DNAH11: variants seen among roughly 807,000 people sequenced by gnomAD.
DNAH11 encodes the protein axonemal beta dynein heavy chain 11.
DNAH11 carries 442 observed loss-of-function variants against 526.0 expected under a neutral mutation model. That is an observed-to-expected ratio of 0.84 (90% confidence interval 0.78 to 0.91). The LOEUF (loss-of-function observed/expected upper bound fraction) is 0.91. DNAH11 is among the 40% of genes least tolerant of loss of function. DNAH11 has a pLI of 0.00. For synonymous variants in DNAH11, 2,461 were observed against 1,935.9 expected (o/e 1.27, Z -7.12); for missense variants, 6,989 against 5,448.7 (o/e 1.28, Z -8.90).
chr7:21,676,420 C>G (rs1782888151), intron 30 of DNAH11, among the ~76,000 whole-genome samples: 1 of 152,128 alleles, frequency 6.6e-6, no homozygotes, highest in Admixed American at 6.5e-5. Flanking sequence ...ACAGTACTGA[C>G]CATAATGATT....
At chr7:21,626,476 G>C (rs1340099572) in intron 25 of DNAH11, among the ~76,000 whole-genome samples, 1 of 152,084 alleles carries the variant, frequency 6.6e-6, no homozygotes, top group African/African-American at 2.4e-5. Context: ...TATATACCTA[G>C]TAGTGGAATT....
intron 54 of DNAH11, among the ~76,000 whole-genome samples, chr7:21,759,854 C>G (rs898953391): frequency 1.3e-5 from 2 of 152,104 alleles, no homozygotes; most frequent in African/African-American, 4.8e-5. Flanking sequence ...GCAAATGAGT[C>G]ATAACACCTG....
chr7:21,862,348 A>G (rs1360729065), intron 69 of DNAH11, among the ~76,000 whole-genome samples: 3 of 152,110 alleles, frequency 2.0e-5, no homozygotes, highest in African/African-American at 7.2e-5. Flanking sequence ...TCCAGGCACT[A>G]CCAGGAAGGT....
intron 55 of DNAH11, among the ~76,000 whole-genome samples, chr7:21,767,549 C>G (rs1239198787): frequency 1.3e-5 from 2 of 152,154 alleles, no homozygotes; most frequent in Non-Finnish European, 2.9e-5. Flanking sequence ...CATAACGCCT[C>G]CTATAGGATG....
intron 30 of DNAH11, among the ~76,000 whole-genome samples, chr7:21,659,273 T>A (rs1326821892): frequency 6.7e-6 from 1 of 149,046 alleles, no homozygotes; most frequent in African/African-American, 2.5e-5. Context: ...ATAGCACTCA[T>A]ACTAGATACT....
intron 2 of DNAH11, among the ~76,000 whole-genome samples, chr7:21,548,919 T>C (rs1463137969): frequency 6.6e-6 from 1 of 151,936 alleles, no homozygotes; most frequent in Non-Finnish European, 1.5e-5. Context: ...TTTGCTCTTA[T>C]TGCCCAGGCT....
chr7:21,796,494 T>A (rs1788719057), intron 61 of DNAH11, among the ~76,000 whole-genome samples: 1 of 152,148 alleles, frequency 6.6e-6, no homozygotes, highest in African/African-American at 2.4e-5. Flanking sequence ...AAACTTGGGT[T>A]ATAAACAGTT....
At chr7:21,601,369 G>T (rs778123011) in intron 17 of DNAH11, 27 bp from the exon 18 acceptor site, 3 of 1,576,950 alleles carry the variant, frequency 1.9e-6, no homozygotes, top group South Asian at 2.3e-5. Context: ...TAATTTGTGT[G>T]TATCTATGTA....
At chr7:21,636,856 C>T (rs1786887565) in intron 26 of DNAH11, among the ~76,000 whole-genome samples, 1 of 152,134 alleles carries the variant, frequency 6.6e-6, no homozygotes, top group Admixed American at 6.5e-5. Context: ...TAAACAGATT[C>T]ATCTTCAGAA....
intron 31 of DNAH11, 30 bp downstream of exon 31, chr7:21,681,707 C>T (rs1783146692): frequency 6.2e-7 from 1 of 1,612,850 alleles, no homozygotes; most frequent in Non-Finnish European, 8.5e-7. Flanking sequence ...TTTATGTATT[C>T]ATTATTGTTT....
At chr7:21,746,008 G>A (rs1010844952) in intron 51 of DNAH11, among the ~76,000 whole-genome samples, 7 of 152,136 alleles carry the variant, frequency 4.6e-5, no homozygotes, top group African/African-American at 1.7e-4. Flanking sequence ...AAAATGGAGA[G>A]GCAGGAACTG....
chr7:21,752,699 T>A (rs1562526606), intron 54 of DNAH11, among the ~76,000 whole-genome samples: 2 of 151,902 alleles, frequency 1.3e-5, no homozygotes, highest in Admixed American at 6.6e-5. Context: ...TTTTTATTTT[T>A]TATTTTTATT....
rs1339666864 is a variant in DNAH11, at chr7:21,601,011, T to C, written c.3257T>C (p.Ile1086Thr). The C allele has an allele frequency of 1.9e-6, 3 of 1,610,846 alleles. No homozygotes were observed. Among genetic ancestry groups the C allele is most frequent in the East Asian group, 2.2e-5 (1 of 44,884 alleles). Residue 1086 changes from isoleucine to threonine, a missense_variant and splice_region_variant, in exon 17 of 82, where the codon ATT becomes ACT. Physicochemically the swap from Ile to Thr is moderately conservative, Grantham distance 89 (BLOSUM62 -1). Transcript: ENST00000409508. Reference sequence around the variant, plus strand: ...TAATTAATCTTTTTCTCACTACAGATTGACATTTATGAAGCTTTGTATGTT... The same window carrying C: ...TAATTAATCTTTTTCTCACTACAGACTGACATTTATGAAGCTTTGTATGTT... ...PPTLEQFKEQIDIYEALYVQM... is the reference protein window; with the variant it reads ...PPTLEQFKEQTDIYEALYVQM...
At chr7:21,742,190 G>A (rs1255136505) in intron 49 of DNAH11, 24 bp downstream of exon 49, 4 of 1,610,310 alleles carry the variant, frequency 2.5e-6, no homozygotes, top group Admixed American at 1.7e-5. Context: ...TCTATGTTAT[G>A]CCTCTTGAGT....
rs143546178 is a variant in DNAH11, at chr7:21,641,460, A to T, written c.4944+2395A>T. 8.7e-4 allele frequency among the ~76,000 whole-genome samples: 132 copies of T among 152,284 alleles called. 1 individual carries two copies. Among genetic ancestry groups the T allele is most frequent in the African/African-American group, 3.2e-3 (131 of 41,558 alleles). On this transcript the variant is annotated intron_variant, in intron 28 of 81. Coordinates refer to ENST00000409508, the MANE Select transcript of DNAH11 (RefSeq NM_001277115.2). ...AAACCCTGGAAGGACTAACTGTCCTAACCCATGTCCATTACCTTCAGAATG... is the reference window on the plus strand; with the variant it reads ...AAACCCTGGAAGGACTAACTGTCCTTACCCATGTCCATTACCTTCAGAATG...
intron 54 of DNAH11, among the ~76,000 whole-genome samples, chr7:21,752,876 C>G (rs1324055384): frequency 6.6e-6 from 1 of 151,962 alleles, no homozygotes; most frequent in African/African-American, 2.4e-5. Context: ...CCACACTTGG[C>G]TAATTTTTTG....
In DNAH11 at chr7:21,864,631, A is replaced by C. The variant is rs2128032782; in HGVS notation, c.11470A>C (p.Thr3824Pro). Reference sequence around the variant, plus strand: ...TCATCTGAGTCCCGTTGACTTCCTAACTTCTCAGTCATGGAGTGCTATCAA... The same window carrying C: ...TCATCTGAGTCCCGTTGACTTCCTACCTTCTCAGTCATGGAGTGCTATCAA... ...HTHLSPVDFLTSQSWSAIKAI... is the reference protein window; with the variant it reads ...HTHLSPVDFLPSQSWSAIKAI... The change falls in exon 70 of 82, where the codon ACT (threonine) becomes CCT (proline). Residue 3824 changes from threonine to proline, a missense_variant. Coordinates refer to ENST00000409508, the MANE Select transcript of DNAH11 (RefSeq NM_001277115.2). 1.9e-6 allele frequency: 3 copies of C among 1,607,380 alleles called. No individual in the cohort carries two copies. The highest frequency in any genetic ancestry group is 3.3e-4 in the Middle Eastern group (2 of 6,040).
intron 37 of DNAH11, chr7:21,703,733 A>G (rs3855): frequency 0.16 from 24,353 of 152,138 alleles, 2,770 homozygotes; most frequent in African/African-American, 0.32. Context: ...TGTATGTGCA[A>G]TATGACTTGG....
At chr7:21,580,495 G>A (rs1225618029) in intron 8 of DNAH11, among the ~76,000 whole-genome samples, 1 of 152,142 alleles carries the variant, frequency 6.6e-6, no homozygotes, top group Non-Finnish European at 1.5e-5. Context: ...CCTCTGTTTA[G>A]GTTGCTATAA....
Sources: gnomAD v4.1 joint callset for allele counts (sites outside exome capture counted in the v4.1 genomes callset) on GRCh38, gnomAD v4.1.1 for gene constraint, MANE v1.5 for transcripts, NCBI Gene and HGNC (gene_info 2026-07-23, HGNC 2026-07-21) for gene names.